CDH12: variants seen among roughly 807,000 people sequenced by gnomAD.
The protein encoded by CDH12 is cadherin 12.
CDH12 carries 41 observed loss-of-function variants against 74.1 expected under a neutral mutation model. The observed-to-expected ratio is 0.55, with a 90% CI of 0.43 to 0.72. The LOEUF is 0.72. Ranked by LOEUF, CDH12 falls within the 30% of genes least tolerant of loss-of-function variation. The probability of loss-of-function intolerance (pLI) is 0.00; values close to 1 mark genes in which losing one functional copy is unlikely to be tolerated. For missense variants in CDH12, 945 were observed against 977.2 expected (o/e 0.97, Z 0.44); for synonymous variants, 399 against 355.0 (o/e 1.12, Z -1.39).
intron 3 of CDH12, among the ~76,000 whole-genome samples, chr5:22,268,800 A>T (rs1254159589): frequency 1.3e-5 from 2 of 152,264 alleles, no homozygotes; most frequent in East Asian, 3.9e-4. Flanking sequence ...GCTTTTAATT[A>T]TTGAGCACCT....
chr5:22,083,850 T>G (rs556159596), intron 4 of CDH12, among the ~76,000 whole-genome samples: 101 of 152,290 alleles, frequency 6.6e-4, no homozygotes, highest in African/African-American at 2.2e-3. Context: ...ACAAGGAATA[T>G]GTGCCCGCAA....
At chr5:22,782,241 G>A (rs1482585909) in intron 1 of CDH12, among the ~76,000 whole-genome samples, 4 of 152,176 alleles carry the variant, frequency 2.6e-5, no homozygotes, top group Admixed American at 2.6e-4. Context: ...GGAGGGAACA[G>A]GTGAAGAATA....
intron 3 of CDH12, among the ~76,000 whole-genome samples, chr5:22,311,574 T>C (rs1738390274): frequency 1.3e-5 from 2 of 151,986 alleles, no homozygotes; most frequent in Admixed American, 1.3e-4. Context: ...TGGTGGCACA[T>C]GCTTGTAATC....
intron 1 of CDH12, among the ~76,000 whole-genome samples, chr5:22,819,080 T>C (rs1258787196): frequency 6.6e-6 from 1 of 152,122 alleles, no homozygotes; most frequent in African/African-American, 2.4e-5. Flanking sequence ...GAAAAATGAA[T>C]CAGTGTGTTG....
chr5:22,618,276 T>C (rs1230952518), intron 1 of CDH12, among the ~76,000 whole-genome samples: 7 of 152,130 alleles, frequency 4.6e-5, no homozygotes, highest in Non-Finnish European at 1.0e-4. Flanking sequence ...AAGTTGAGAA[T>C]TGCTACATTT....
At chr5:22,116,864 C>CTTTT (rs70957090) in intron 4 of CDH12, among the ~76,000 whole-genome samples, 1 of 108,040 alleles carries the variant, frequency 9.3e-6, no homozygotes, top group Admixed American at 1.0e-4. Context: ...CTGCAAGTCT[C>CTTTT]TTTTTTTTTT....
At chr5:22,686,202 A>G (rs188243129) in intron 1 of CDH12, among the ~76,000 whole-genome samples, 1 of 152,054 alleles carries the variant, frequency 6.6e-6, no homozygotes, top group African/African-American at 2.4e-5. Flanking sequence ...TTTTATAAAT[A>G]TATATATATT....
At chr5:22,327,077 G>T (rs576613834) in intron 3 of CDH12, among the ~76,000 whole-genome samples, 4 of 152,016 alleles carry the variant, frequency 2.6e-5, no homozygotes, top group African/African-American at 9.7e-5. Flanking sequence ...TGTTTGGAAG[G>T]ACATAGTTCT....
intron 4 of CDH12, among the ~76,000 whole-genome samples, chr5:22,102,746 A>T (rs780262300): frequency 6.6e-6 from 1 of 152,084 alleles, no homozygotes; most frequent in Non-Finnish European, 1.5e-5. Flanking sequence ...TGTTGGGGGG[A>T]GGGGCCTAAC....
At chr5:22,669,186 G>A (rs993303) in intron 1 of CDH12, among the ~76,000 whole-genome samples, 17,869 of 151,982 alleles carry the variant, frequency 0.12, 1,371 homozygotes, top group Admixed American at 0.2. Flanking sequence ...CTGTGGATGG[G>A]TCAAAACACA....
intron 8 of CDH12, among the ~76,000 whole-genome samples, chr5:21,839,237 TC>T (rs1346844540): frequency 6.6e-6 from 1 of 152,182 alleles, no homozygotes; most frequent in Non-Finnish European, 1.5e-5. Flanking sequence ...CTTTTATATC[TC>T]TTTTTTCCTG....
intron 1 of CDH12, among the ~76,000 whole-genome samples, chr5:22,605,429 G>A (rs1737061450): frequency 6.6e-6 from 1 of 152,194 alleles, no homozygotes; most frequent in African/African-American, 2.4e-5. Context: ...TAGCCTAAGG[G>A]TAATGTTCTC....
At chr5:22,552,032 C>A (rs78069274) in intron 1 of CDH12, among the ~76,000 whole-genome samples, 24,581 of 152,046 alleles carry the variant, frequency 0.16, 2,561 homozygotes, top group East Asian at 0.37. Context: ...CCTACAGATA[C>A]AACCTGGGAG....
intron 1 of CDH12, among the ~76,000 whole-genome samples, chr5:22,825,304 A>G (rs1337551634): frequency 6.7e-6 from 1 of 149,472 alleles, no homozygotes; most frequent in African/African-American, 2.4e-5. Flanking sequence ...AGGAGACAAC[A>G]AATTAGATAC....
chr5:22,085,841 C>T (rs1743026758), intron 4 of CDH12, among the ~76,000 whole-genome samples: 2 of 152,068 alleles, frequency 1.3e-5, no homozygotes, highest in South Asian at 4.2e-4. Flanking sequence ...TTTCTGCTTC[C>T]TATTGTATGA....
At chr5:22,189,872 C>T (rs533796991) in intron 4 of CDH12, among the ~76,000 whole-genome samples, 46 of 152,290 alleles carry the variant, frequency 3.0e-4, no homozygotes, top group Admixed American at 8.5e-4. Context: ...TCCCCAGCCC[C>T]GTGGGCTGCA....
At chr5:21,840,963 T>G (rs1359462992) in intron 8 of CDH12, among the ~76,000 whole-genome samples, 2 of 151,750 alleles carry the variant, frequency 1.3e-5, no homozygotes, top group African/African-American at 2.4e-5. Context: ...ACTTCATGTC[T>G]AAAACACCAA....
intron 1 of CDH12, among the ~76,000 whole-genome samples, chr5:22,788,440 CGAA>C (rs1747749160): frequency 6.6e-6 from 1 of 150,506 alleles, no homozygotes; most frequent in Non-Finnish European, 1.5e-5. Flanking sequence ...GAGGTGAAAT[CGAA>C]GAAAAAAGAT....
At chr5:22,584,464 A>G (rs960986345) in intron 1 of CDH12, among the ~76,000 whole-genome samples, 2 of 152,062 alleles carry the variant, frequency 1.3e-5, no homozygotes, top group Admixed American at 1.3e-4. Context: ...TAATTTATTC[A>G]TTTTTATTGT....
Sources: gnomAD v4.1 joint callset for allele counts (sites outside exome capture counted in the v4.1 genomes callset) on GRCh38, gnomAD v4.1.1 for gene constraint, MANE v1.5 for transcripts, NCBI Gene and HGNC (gene_info 2026-07-23, HGNC 2026-07-21) for gene names.